Variants in CAPN8 observed in about 807,000 individuals in gnomAD.
CAPN8 encodes calpain 8.
Under a neutral mutation model 80.9 loss-of-function variants are expected in CAPN8, and 87 were observed. The ratio of observed to expected loss-of-function variants is 1.07; its 90% confidence interval spans 0.90 to 1.28. The LOEUF is 1.28. Ranked by LOEUF, CAPN8 falls within the 50% of genes most tolerant of loss-of-function variation. The pLI is 0.00. For missense variants in CAPN8, 757 were observed against 702.0 expected, an observed-to-expected ratio of 1.08 and a Z score of -0.89; for synonymous variants, 299 against 273.8, an observed-to-expected ratio of 1.09 and a Z score of -0.91.
At chr1:223,640,581 C>A (rs888674092) in intron 2 of CAPN8, among the ~76,000 whole-genome samples, 2 of 152,124 alleles carry the variant, frequency 1.3e-5, no homozygotes, top group African/African-American at 4.8e-5. Context: ...ATTCCTTTTC[C>A]TCACTCCATT....
intron 2 of CAPN8, among the ~76,000 whole-genome samples, chr1:223,637,212 G>A (rs1292580295): frequency 2.0e-5 from 3 of 152,170 alleles, no homozygotes; most frequent in African/African-American, 7.2e-5. Flanking sequence ...TGTGACCAGA[G>A]GTAATCTAGA....
rs1657298478 is a variant in CAPN8 at position 223,619,170 on chromosome 1, G to A, written c.1135+123C>T. ...GATCGTGCCACTACACTCCAACCTG[G>A]GGAACAGAGCAAGGCCCTGTCTCAA... On this transcript the variant is annotated intron_variant, in intron 9 of 20. Coordinates refer to ENST00000366872, the MANE Select transcript of CAPN8 (RefSeq NM_001143962.2). 5 of 1,169,376 alleles carry A rather than the reference G, an allele frequency of 4.3e-6. No homozygotes were observed. The Admixed American group carries it at 1.3e-4, about 30-fold the overall frequency. The allele number at this position is 1,169,376 out of a possible 1,614,324, so 72.4% of individuals were successfully genotyped here.
chr1:223,616,978 G>A (rs1657210576), intron 9 of CAPN8: 1 of 152,176 alleles, frequency 6.6e-6, no homozygotes, highest in African/African-American at 2.4e-5. Context: ...GAGATTAAAA[G>A]GATCATCCAA....
chr1:223,654,470 A>G, intron 1 of CAPN8, 71 bp from the exon 2 acceptor site: 1 of 1,361,500 alleles, frequency 7.3e-7, no homozygotes, highest in East Asian at 2.5e-5. Context: ...GGAAAGGAAC[A>G]TCAGAGTCCC....
intron 13 of CAPN8, among the ~76,000 whole-genome samples, chr1:223,557,056 T>C (rs1656921610): frequency 6.6e-6 from 1 of 152,198 alleles, no homozygotes. Flanking sequence ...GACCACTGGC[T>C]GAACTACAGT....
intron 2 of CAPN8, among the ~76,000 whole-genome samples, chr1:223,631,474 A>G (rs1313741200): frequency 3.9e-5 from 6 of 152,096 alleles, no homozygotes; most frequent in Non-Finnish European, 5.9e-5. Flanking sequence ...ACTTGATTAC[A>G]TCTGTTTTTC....
chr1:223,622,758 C>T (rs1163767174), intron 7 of CAPN8, 57 bp downstream of exon 7: 8 of 1,350,654 alleles, frequency 5.9e-6, no homozygotes, highest in Non-Finnish European at 8.3e-6. Context: ...GTGTGTTTTA[C>T]ACGACACCCT....
intron 1 of CAPN8, among the ~76,000 whole-genome samples, chr1:223,654,842 A>ATTTTTTTT (rs35365292): frequency 1.1e-4 from 12 of 111,712 alleles, no homozygotes; most frequent in Non-Finnish European, 1.6e-4. Flanking sequence ...CACCCGGCTA[A>ATTTTTTTT]TTTTTTTTTT....
intron 10 of CAPN8, 54 bp from the exon 11 acceptor site, chr1:223,612,311 T>C: frequency 8.1e-7 from 1 of 1,232,526 alleles, no homozygotes; most frequent in Non-Finnish European, 1.0e-6. Context: ...GTCCTCCTTC[T>C]GCTCCTTTTC....
intron 7 of CAPN8, 53 bp downstream of exon 7, chr1:223,622,762 A>C: frequency 7.2e-7 from 1 of 1,383,358 alleles, no homozygotes. Flanking sequence ...GTTTTACACG[A>C]CACCCTTCCG....
rs187128026 is a variant in CAPN8 at position 223,541,637 on chromosome 1, G to A, written c.*199C>T. On this transcript the variant is annotated 3_prime_UTR_variant, in exon 21 of 21. Transcript: ENST00000366872. Reference sequence around the variant, plus strand: ...ACCATTCTGGCTCACAACTTTAATTGATTGCTTTCCCTCCACTGGGCCCAC... The same window carrying A: ...ACCATTCTGGCTCACAACTTTAATTAATTGCTTTCCCTCCACTGGGCCCAC... 430 of 695,388 alleles carry A rather than the reference G, an allele frequency of 6.2e-4. 2 individuals carry two copies. Among genetic ancestry groups the A allele is most frequent in the Non-Finnish European group, 8.9e-4 (359 of 403,138 alleles). 43.1% of individuals were successfully genotyped at this position (695,388 alleles called of 1,614,324 possible).
chr1:223,643,709 C>G (rs550926611), intron 2 of CAPN8, among the ~76,000 whole-genome samples: 19 of 152,314 alleles, frequency 1.2e-4, no homozygotes, highest in Admixed American at 4.6e-4. Flanking sequence ...AGAGTTTCTC[C>G]AAACAGTTTG....
rs1222638963 is a variant in CAPN8 at position 223,541,676 on chromosome 1, A to G, written c.*160T>C. 1.9e-5 allele frequency: 22 copies of G among 1,165,794 alleles called. No individual in the cohort carries two copies. Among genetic ancestry groups the G allele is most frequent in the East Asian group, 5.1e-5 (2 of 38,892 alleles). 72.2% of individuals were successfully genotyped at this position (1,165,794 alleles called of 1,614,324 possible). A position where few individuals can be genotyped will look rare whatever the true frequency, so the allele number is the denominator to read the frequency against. On this transcript the variant is annotated 3_prime_UTR_variant, in exon 21 of 21. Transcript: ENST00000366872. ...CACTGGGCCCACCGGGTCGGCTTAC[A>G]TAGCTCATAGCTCAGTGCTGCTGAA...
chr1:223,646,032 G>C (rs113517296), intron 2 of CAPN8, among the ~76,000 whole-genome samples: 2,288 of 152,284 alleles, frequency 0.015, 62 homozygotes, highest in African/African-American at 0.052. Context: ...GGGGAAAATA[G>C]ACTGCACTCT....
chr1:223,650,356 C>T (rs1270746397), intron 2 of CAPN8, among the ~76,000 whole-genome samples: 1 of 152,136 alleles, frequency 6.6e-6, no homozygotes, highest in African/African-American at 2.4e-5. Context: ...AGGAGGTTCC[C>T]AGTCACAAGA....
rs1272825031 is a variant in CAPN8 at position 223,622,862 on chromosome 1, G to C, written c.852C>G (p.Leu284=). Residue 284 remains leucine (L), a synonymous_variant, in exon 7 of 21, where the codon CTC becomes CTG. Coordinates refer to ENST00000366872, the MANE Select transcript of CAPN8 (RefSeq NM_001143962.2). ...ACTCCACTTCACCCCATGGATTCCT[G>C]AGTCTGATCAGCTTCTCTGGATGGC... ...FQGHPEKLIR[L]RNPWGEVEWS... The C allele has an allele frequency of 6.4e-7, 1 of 1,551,624 alleles. No homozygotes were observed. Among genetic ancestry groups the C allele is most frequent in the African/African-American group, 1.4e-5 (1 of 73,044 alleles).
intron 1 of CAPN8, among the ~76,000 whole-genome samples, chr1:223,656,976 G>A (rs555094362): frequency 6.6e-6 from 1 of 152,072 alleles, no homozygotes; most frequent in Non-Finnish European, 1.5e-5. Flanking sequence ...GAGCCACCGC[G>A]CCCAGCCACA....
chr1:223,627,632 A>G (rs1158623003), intron 4 of CAPN8, among the ~76,000 whole-genome samples: 1 of 152,272 alleles, frequency 6.6e-6, no homozygotes, highest in Non-Finnish European at 1.5e-5. Flanking sequence ...TCCTGAGGAA[A>G]GAGCAGACAC....
In CAPN8 at chr1:223,619,417, C is replaced by T. The variant is rs1375050737; in HGVS notation, c.1011G>A (p.Arg337=). The part of the protein sequence containing the change: ...SLSDFVRQFS[R]LEICNLSPDS... ...CCGGGGACAGGTTGCAGATCTCCAACCGAGAGAACTGCCTCACGAAATCTG... is the reference window on the plus strand; with the variant it reads ...CCGGGGACAGGTTGCAGATCTCCAATCGAGAGAACTGCCTCACGAAATCTG... Residue 337 remains arginine, a synonymous_variant, in exon 9 of 21, where the codon CGG becomes CGA. Coordinates refer to ENST00000366872, the MANE Select transcript of CAPN8 (RefSeq NM_001143962.2). 1 of 1,551,678 alleles carries T rather than the reference C, an allele frequency of 6.4e-7. No homozygotes were observed. Among genetic ancestry groups the T allele is most frequent in the Non-Finnish European group, 8.7e-7 (1 of 1,147,006 alleles).
Sources: gnomAD v4.1 joint callset for allele counts (sites outside exome capture counted in the v4.1 genomes callset) on GRCh38, gnomAD v4.1.1 for gene constraint, MANE v1.5 for transcripts, NCBI Gene and HGNC (gene_info 2026-07-23, HGNC 2026-07-21) for gene names.